The following MCF2L2 variants were observed in gnomAD, a reference collection of about 807,000 sequenced individuals.
The protein encoded by MCF2L2 is MCF.2 cell line derived transforming sequence-like 2, also known as probable guanine nucleotide exchange factor MCF2L2.
MCF2L2 carries 102 observed loss-of-function variants against 150.2 expected under a neutral mutation model. The observed-to-expected ratio is 0.68, with a 90% CI of 0.58 to 0.80. MCF2L2 has a LOEUF of 0.80. Ranked by LOEUF, MCF2L2 falls within the 30% of genes least tolerant of loss-of-function variation. The pLI is 0.00. For missense variants in MCF2L2, 1,256 were observed against 1,372.8 expected (o/e 0.91, Z 1.34); for synonymous variants, 465 against 491.3 (o/e 0.95, Z 0.71).
intron 15 of MCF2L2, among the ~76,000 whole-genome samples, chr3:183,273,590 G>A (rs1462669259): frequency 3.3e-5 from 5 of 152,132 alleles, no homozygotes; most frequent in Non-Finnish European, 7.4e-5. Flanking sequence ...GTAGTCATGT[G>A]CCACAAAATG....
chr3:183,351,196 A>ATG, intron 3 of MCF2L2, among the ~76,000 whole-genome samples: 1 of 59,136 alleles, frequency 1.7e-5, no homozygotes, highest in Non-Finnish European at 3.4e-5. Flanking sequence ...TTAAGTATAT[A>ATG]TATATATATA....
chr3:183,276,378 ATGATGG>A (rs1259088526), intron 15 of MCF2L2, among the ~76,000 whole-genome samples: 1 of 152,232 alleles, frequency 6.6e-6, no homozygotes. Context: ...AACAGGTATC[ATGATGG>A]GGATTCTGAG....
chr3:183,208,811 T>A (rs1161035971), intron 22 of MCF2L2, among the ~76,000 whole-genome samples: 3 of 152,208 alleles, frequency 2.0e-5, no homozygotes, highest in Non-Finnish European at 4.4e-5. Flanking sequence ...GATTGGGCAT[T>A]TTTATAATTT....
chr3:183,417,359 A>C (rs1360228488), intron 1 of MCF2L2, among the ~76,000 whole-genome samples: 2 of 152,158 alleles, frequency 1.3e-5, no homozygotes, highest in Admixed American at 6.5e-5. Context: ...ACTTATGATG[A>C]AGTTACATCC....
chr3:183,358,994 G>T (rs1293457425), intron 3 of MCF2L2, among the ~76,000 whole-genome samples: 1 of 147,832 alleles, frequency 6.8e-6, no homozygotes, highest in Admixed American at 6.7e-5. Flanking sequence ...CAGTGGAAAA[G>T]TTCATTGGGT....
chr3:183,199,558 A>G (rs1023353211), intron 25 of MCF2L2, among the ~76,000 whole-genome samples: 14 of 152,162 alleles, frequency 9.2e-5, no homozygotes, highest in African/African-American at 3.1e-4. Flanking sequence ...TTGTGAAAGC[A>G]TGGAAAAAAC....
intron 5 of MCF2L2, among the ~76,000 whole-genome samples, chr3:183,338,460 A>G (rs186222174): frequency 0.049 from 7,355 of 151,068 alleles, 278 homozygotes; most frequent in Non-Finnish European, 0.081. Context: ...AAAAAAAAAA[A>G]AAAAAGAAAA....
intron 3 of MCF2L2, chr3:183,376,964 T>A (rs1056148913): frequency 2.6e-5 from 4 of 152,208 alleles, no homozygotes; most frequent in African/African-American, 7.2e-5. Flanking sequence ...AAGGTCAAAG[T>A]GATATTCTTG....
intron 21 of MCF2L2, 131 bp downstream of exon 21, chr3:183,219,725 A>T (rs1723074894): frequency 1.8e-6 from 1 of 571,406 alleles, no homozygotes; most frequent in Non-Finnish European, 3.1e-6. Context: ...ACTGTGAGTT[A>T]TAGGATACAT....
intron 15 of MCF2L2, chr3:183,265,194 AG>A (rs1192858569): frequency 1.3e-5 from 2 of 152,204 alleles, no homozygotes; most frequent in African/African-American, 4.8e-5. Context: ...GAGTGAGGTG[AG>A]GGTTGCCCAA....
chr3:183,194,901 C>T (rs1456124593), intron 26 of MCF2L2, among the ~76,000 whole-genome samples: 4 of 152,144 alleles, frequency 2.6e-5, no homozygotes, highest in Non-Finnish European at 5.9e-5. Flanking sequence ...CCCACCTCAG[C>T]CTCCTGAGTA....
At chr3:183,353,812 T>C (rs1412856899) in intron 3 of MCF2L2, among the ~76,000 whole-genome samples, 2 of 152,202 alleles carry the variant, frequency 1.3e-5, no homozygotes, top group Admixed American at 1.3e-4. Flanking sequence ...CAAGCCAACG[T>C]AATTCTCTGC....
In MCF2L2 at chr3:183,326,508, A is replaced by AC. The variant is rs1309744353; in HGVS notation, c.487-3158_487-3157insG. 5.2e-3 allele frequency among the ~76,000 whole-genome samples: 719 copies of AC among 138,198 alleles called. 3 individuals are homozygous for AC. Among genetic ancestry groups the AC allele is most frequent in the African/African-American group, 0.019 (671 of 35,456 alleles). The allele number at this position is 138,198 out of a possible 152,430, so 90.7% of individuals were successfully genotyped here. On this transcript the variant is annotated intron_variant, in intron 5 of 29. Transcript: ENST00000328913. ...ACTCCGTCTCAAAAAAAAAAAAAAA[A>AC]AAAAAAAACAAAAAAAAACCCACAA...
In MCF2L2 at chr3:183,227,047, A is replaced by T. The variant is rs1723369342; in HGVS notation, c.2115+1250T>A. On this transcript the variant is annotated intron_variant, in intron 18 of 29. Coordinates refer to ENST00000328913, the MANE Select transcript of MCF2L2 (RefSeq NM_015078.4). The surrounding 1 kb of genome is among the most constrained non-coding windows in gnomAD (Gnocchi z 4.0). ...GCTTTGTTTGCTTCCAGTTATCATA[A>T]GTATTGCTCTCAGCCTCAGTCATAA... 1 of 152,212 alleles carries T rather than the reference A, an allele frequency of 6.6e-6. No homozygotes were observed. The highest frequency in any genetic ancestry group is 1.5e-5 in the Non-Finnish European group (1 of 68,048). The allele number at this position is 152,212 out of a possible 1,614,324, so 9.4% of individuals were successfully genotyped here. A position where few individuals can be genotyped will look rare whatever the true frequency, so the allele number is the denominator to read the frequency against.
At chr3:183,274,715 C>T (rs1436208888) in intron 15 of MCF2L2, among the ~76,000 whole-genome samples, 2 of 152,210 alleles carry the variant, frequency 1.3e-5, no homozygotes, top group Admixed American at 1.3e-4. Flanking sequence ...AACCAGAGAA[C>T]TCTTGATATG....
At chr3:183,404,224 A>G (rs1714919660) in intron 1 of MCF2L2, among the ~76,000 whole-genome samples, 1 of 152,258 alleles carries the variant, frequency 6.6e-6, no homozygotes, top group Non-Finnish European at 1.5e-5. Context: ...GAGTTCACTC[A>G]TAATTTTTTA....
chr3:183,400,123 G>A (rs1369931607), intron 1 of MCF2L2, among the ~76,000 whole-genome samples: 1 of 152,054 alleles, frequency 6.6e-6, no homozygotes, highest in Non-Finnish European at 1.5e-5. Context: ...TTTTTATTAT[G>A]AATCTACCTA....
At chr3:183,273,101 G>A (rs1291941056) in intron 15 of MCF2L2, 3 of 1,304,680 alleles carry the variant, frequency 2.3e-6, no homozygotes, top group Non-Finnish European at 3.1e-6. Context: ...TAAAAAAGAA[G>A]GAAAAAACTT....
At chr3:183,291,118 C>T (rs925688084) in intron 13 of MCF2L2, among the ~76,000 whole-genome samples, 145 of 152,310 alleles carry the variant, frequency 9.5e-4, no homozygotes, top group African/African-American at 3.3e-3. Flanking sequence ...TGGGCTCCTC[C>T]CTCTCTGTGG....
Sources: allele counts gnomAD v4.1 joint callset (sites outside exome capture counted in the v4.1 genomes callset), GRCh38; gene constraint gnomAD v4.1.1; non-coding constraint Gnocchi (gnomAD v3.1); transcripts MANE v1.5; gene names NCBI Gene and HGNC (gene_info 2026-07-23, HGNC 2026-07-21).